TAFA5: variants seen among roughly 807,000 people sequenced by gnomAD.
The protein encoded by TAFA5 is TAFA chemokine like family member 5, also known as chemokine-like protein TAFA-5.
Under a neutral mutation model 15.3 loss-of-function variants are expected in TAFA5, and 6 were observed. The observed-to-expected ratio is 0.39, with a 90% CI of 0.21 to 0.77. The LOEUF (loss-of-function observed/expected upper bound fraction) is 0.77, where lower values mean the gene tolerates loss of function less well. Among genes scored for constraint, TAFA5 ranks in the 30% least tolerant of loss-of-function variants. The pLI is 0.41. For missense variants in TAFA5, 161 were observed against 193.1 expected (o/e 0.83, Z 0.98); for synonymous variants, 103 against 80.7 (o/e 1.28, Z -1.48).
At chr22:48,578,805 C>T (rs1190433647) in intron 1 of TAFA5, among the ~76,000 whole-genome samples, 1 of 152,162 alleles carries the variant, frequency 6.6e-6, no homozygotes, top group African/African-American at 2.4e-5. Context: ...CTTTTGGCCC[C>T]TTGGCATCAG....
At chr22:48,609,996 C>A (rs906543197) in intron 1 of TAFA5, among the ~76,000 whole-genome samples, 6 of 152,234 alleles carry the variant, frequency 3.9e-5, no homozygotes, top group African/African-American at 1.4e-4. Flanking sequence ...TCTGCAAAGA[C>A]CCTGTTTCCA....
intron 1 of TAFA5, among the ~76,000 whole-genome samples, chr22:48,603,039 A>G (rs912127201): frequency 2.0e-5 from 3 of 152,152 alleles, no homozygotes; most frequent in Non-Finnish European, 4.4e-5. Flanking sequence ...ACCGGTCCCC[A>G]TTCTCACAAT....
rs5767180 is a variant in TAFA5, at chr22:48,513,656, G to C, written c.112+23952G>C. Among the ~76,000 whole-genome samples the C allele has an allele frequency of 3.3e-5, 5 of 152,342 alleles. No individual in the cohort carries two copies. The South Asian group carries it at 8.3e-4, about 25-fold the overall frequency. On this transcript the variant is annotated intron_variant, in intron 1 of 3. Coordinates refer to ENST00000402357, the MANE Select transcript of TAFA5 (RefSeq NM_001082967.3). ...AGGCCTGTGCGGCCCCAGAGCCCGC[G>C]TCTGCCCTGTGGTTCTGACAGGGCC...
chr22:48,678,776 C>T (rs1928060031), intron 2 of TAFA5, among the ~76,000 whole-genome samples: 2 of 151,840 alleles, frequency 1.3e-5, no homozygotes, highest in African/African-American at 4.8e-5. Context: ...AAAAAAAATG[C>T]TGGTGTGTAC....
At chr22:48,556,139 G>A (rs939211356) in intron 1 of TAFA5, among the ~76,000 whole-genome samples, 1 of 152,218 alleles carries the variant, frequency 6.6e-6, no homozygotes, top group African/African-American at 2.4e-5. Flanking sequence ...GATGTCACCC[G>A]AGACCAATGG....
At chr22:48,495,565 G>C (rs1284990299) in intron 1 of TAFA5, among the ~76,000 whole-genome samples, 1 of 152,098 alleles carries the variant, frequency 6.6e-6, no homozygotes, top group African/African-American at 2.4e-5. Flanking sequence ...CTCCATCCTT[G>C]TTCTCCCTTC....
chr22:48,701,058 C>T (rs535813330), intron 2 of TAFA5, among the ~76,000 whole-genome samples: 38 of 152,224 alleles, frequency 2.5e-4, no homozygotes, highest in African/African-American at 7.2e-4. Flanking sequence ...TGGAGAGGCC[C>T]GCAGCCCTTC....
At chr22:48,744,690 A>C (rs938462536) in intron 3 of TAFA5, among the ~76,000 whole-genome samples, 3 of 152,042 alleles carry the variant, frequency 2.0e-5, no homozygotes, top group Admixed American at 6.6e-5. Context: ...TTTCCAGAGC[A>C]CCTTTACGAA....
intron 1 of TAFA5, among the ~76,000 whole-genome samples, chr22:48,531,458 G>T (rs1001844762): frequency 6.6e-6 from 1 of 152,206 alleles, no homozygotes; most frequent in South Asian, 2.1e-4. Flanking sequence ...GGTGCCCTGT[G>T]GCCTGGGATC....
chr22:48,634,307 C>T (rs1219726269), intron 1 of TAFA5, among the ~76,000 whole-genome samples: 1 of 152,166 alleles, frequency 6.6e-6, no homozygotes, highest in African/African-American at 2.4e-5. Flanking sequence ...CTCACTTATT[C>T]ACTCATTTAT....
Position 48,572,246 on chromosome 22 carries a change from G to T in TAFA5, c.113-74351G>T, listed in dbSNP as rs189060569. Among the ~76,000 whole-genome samples, 12 of 152,280 alleles carry T rather than the reference G, an allele frequency of 7.9e-5. No homozygotes were observed. The East Asian group carries it at 2.3e-3, about 29-fold the overall frequency. The stretch of plus-strand genomic sequence containing the variant: ...TAGGTCCTGTCTGTATAGGAATAAA[G>T]GTTGAAGTGTGTGTAGTGACCGGTC... On this transcript the variant is annotated intron_variant, in intron 1 of 3. Coordinates refer to ENST00000402357, the MANE Select transcript of TAFA5 (RefSeq NM_001082967.3).
chr22:48,726,937 G>A (rs1259294975), intron 3 of TAFA5, among the ~76,000 whole-genome samples: 1 of 152,140 alleles, frequency 6.6e-6, no homozygotes, highest in Non-Finnish European at 1.5e-5. Flanking sequence ...TCTCCAGGTT[G>A]GCCACTCCTG....
rs941971491 is a variant in TAFA5 at position 48,506,070 on chromosome 22, G to T, written c.112+16366G>T. 2.6e-5 allele frequency among the ~76,000 whole-genome samples: 4 copies of T among 152,126 alleles called. No homozygotes were observed. The East Asian group carries it at 7.7e-4, about 29-fold the overall frequency. On this transcript the variant is annotated intron_variant, in intron 1 of 3. Transcript: ENST00000402357. ...GGTTTGTGCACCCCAGGCCAGCTGAGGTCGCCCTTCCCTGCACACCCCACG... is the reference window on the plus strand; with the variant it reads ...GGTTTGTGCACCCCAGGCCAGCTGATGTCGCCCTTCCCTGCACACCCCACG...
At chr22:48,596,599 A>T (rs1466413093) in intron 1 of TAFA5, among the ~76,000 whole-genome samples, 1 of 152,058 alleles carries the variant, frequency 6.6e-6, no homozygotes, top group Non-Finnish European at 1.5e-5. Flanking sequence ...AACAGCTGGC[A>T]TGAGGGAGGC....
intron 1 of TAFA5, among the ~76,000 whole-genome samples, chr22:48,640,056 G>A (rs1386130678): frequency 3.3e-5 from 5 of 152,208 alleles, no homozygotes; most frequent in African/African-American, 4.8e-5. Flanking sequence ...AGGGCGTGCT[G>A]CAGCCCCTGA....
intron 1 of TAFA5, among the ~76,000 whole-genome samples, chr22:48,612,808 T>C (rs1049495336): frequency 2.0e-5 from 3 of 152,214 alleles, no homozygotes; most frequent in African/African-American, 7.2e-5. Context: ...TGTGTCTCCA[T>C]GTGTCCCTCT....
At chr22:48,669,458 C>T (rs1348915119) in intron 2 of TAFA5, among the ~76,000 whole-genome samples, 1 of 152,250 alleles carries the variant, frequency 6.6e-6, no homozygotes, top group East Asian at 1.9e-4. Context: ...GTGCCCATGT[C>T]TCCGCCTCAG....
chr22:48,493,789 CAGGGACCCCTGGGGGAAGGGACTTCCGA>C (rs568808936), intron 1 of TAFA5, among the ~76,000 whole-genome samples: 85 of 152,272 alleles, frequency 5.6e-4, no homozygotes, highest in Middle Eastern at 3.4e-3. Context: ...TTTTCCCACG[CAGGGACCCCTGGGGGAAGGGACTTCCGA>C]AGGGACCCCT....
At chr22:48,677,856 G>A (rs1231785201) in intron 2 of TAFA5, among the ~76,000 whole-genome samples, 1 of 151,918 alleles carries the variant, frequency 6.6e-6, no homozygotes, top group Non-Finnish European at 1.5e-5. Flanking sequence ...GAGGAGTCCT[G>A]CAGTGGCCCT....
Sources: gnomAD v4.1 joint callset for allele counts (sites outside exome capture counted in the v4.1 genomes callset) on GRCh38, gnomAD v4.1.1 for gene constraint, MANE v1.5 for transcripts, NCBI Gene and HGNC (gene_info 2026-07-23, HGNC 2026-07-21) for gene names.